Variants in ANP32A observed in about 807,000 individuals in gnomAD.
The protein encoded by ANP32A is acidic leucine-rich nuclear phosphoprotein 32 family member A.
A neutral mutation model predicts 33.9 loss-of-function variants in ANP32A; 1 was observed. The observed-to-expected ratio is 0.03, with a 90% CI of 0.01 to 0.14. ANP32A has a LOEUF of 0.14. Ranked by LOEUF, ANP32A falls within the 10% of genes least tolerant of loss-of-function variation. The probability of loss-of-function intolerance (pLI) is 1.00; values close to 1 mark genes in which losing one functional copy is unlikely to be tolerated. For missense variants in ANP32A, 155 were observed against 306.0 expected (o/e 0.51, Z 3.68); for synonymous variants, 115 against 120.5 (o/e 0.95, Z 0.30).
intron 1 of ANP32A, among the ~76,000 whole-genome samples, chr15:68,793,640 C>T (rs1159588825): frequency 6.6e-6 from 1 of 152,190 alleles, no homozygotes; most frequent in Non-Finnish European, 1.5e-5. Flanking sequence ...TCTTCAAATG[C>T]CTCTACCAGA....
At chr15:68,795,511 T>G (rs1256721687) in intron 1 of ANP32A, among the ~76,000 whole-genome samples, 1 of 152,196 alleles carries the variant, frequency 6.6e-6, no homozygotes, top group African/African-American at 2.4e-5. Flanking sequence ...GGGCCCGCAT[T>G]AACATAAACC....
intron 1 of ANP32A, among the ~76,000 whole-genome samples, chr15:68,805,543 G>A (rs1026585280): frequency 1.3e-5 from 2 of 152,232 alleles, no homozygotes; most frequent in African/African-American, 4.8e-5. Context: ...AGGCTGGTGT[G>A]AGCAGAGCAG....
intron 1 of ANP32A, among the ~76,000 whole-genome samples, chr15:68,805,703 C>T (rs1056259749): frequency 6.6e-5 from 10 of 152,178 alleles, no homozygotes; most frequent in Admixed American, 4.6e-4. Context: ...ATCCTAAGTT[C>T]CAGCTCATGG....
At position 68,792,896 on chromosome 15, in the gene ANP32A, T is replaced by C. The variant is rs550651143; in HGVS notation, c.55-4977A>G. 3.9e-5 allele frequency among the ~76,000 whole-genome samples: 6 copies of C among 152,302 alleles called. No homozygotes were observed. In the South Asian group the frequency reaches 1.2e-3, roughly 32 times the overall value. ...AGAGTAAACTCCAGCCTGGAAAACATTCCTGGCTTCTCACTGCCTTGGGAA... is the reference window on the plus strand; with the variant it reads ...AGAGTAAACTCCAGCCTGGAAAACACTCCTGGCTTCTCACTGCCTTGGGAA... On this transcript the variant is annotated intron_variant, in intron 1 of 6. Coordinates refer to ENST00000465139, the MANE Select transcript of ANP32A (RefSeq NM_006305.4).
intron 1 of ANP32A, among the ~76,000 whole-genome samples, chr15:68,820,497 G>GGCA (rs1894457950): frequency 6.6e-6 from 1 of 152,080 alleles, no homozygotes; most frequent in South Asian, 2.1e-4. Context: ...ACACACCAAG[G>GGCA]GCAGCGGCGG....
rs1596071718 is a variant in ANP32A at position 68,803,817 on chromosome 15, T to C, written c.55-15898A>G. ...CACAAACTTTTTTTTTTTTTTTTTT[T>C]TTTGAGACGGAGTCTTGCTCTGTTG... On this transcript the variant is annotated intron_variant, in intron 1 of 6. Coordinates refer to ENST00000465139, the MANE Select transcript of ANP32A (RefSeq NM_006305.4). 8.7e-5 allele frequency among the ~76,000 whole-genome samples: 13 copies of C among 149,398 alleles called. No individual in the cohort carries two copies. In the South Asian group the frequency reaches 2.8e-3, roughly 32 times the overall value.
In ANP32A at chr15:68,799,017, C is replaced by T. The variant is rs529519717; in HGVS notation, c.55-11098G>A. ...GTTTTTTCTATCCAAGGCCACAAAA[C>T]AAATTAGCCAGGGGCTACACATAAG... On this transcript the variant is annotated intron_variant, in intron 1 of 6. Coordinates refer to ENST00000465139, the MANE Select transcript of ANP32A (RefSeq NM_006305.4). Among the ~76,000 whole-genome samples, 170 of 152,332 alleles carry T rather than the reference C, an allele frequency of 1.1e-3. 2 individuals carry two copies. The highest frequency in any genetic ancestry group is 3.9e-3 in the African/African-American group (161 of 41,590).
intron 1 of ANP32A, chr15:68,789,232 G>A (rs1893970687): frequency 6.5e-6 from 1 of 152,880 alleles, no homozygotes; most frequent in Non-Finnish European, 1.5e-5. Flanking sequence ...CAGGTGCCAG[G>A]AAACACTTAC....
intron 1 of ANP32A, chr15:68,792,358 T>C (rs914720657): frequency 2.0e-5 from 3 of 152,148 alleles, no homozygotes; most frequent in Admixed American, 6.6e-5. Flanking sequence ...GACCCAATGC[T>C]TCATTCCTCA....
chr15:68,808,546 C>T (rs1423551618), intron 1 of ANP32A, among the ~76,000 whole-genome samples: 1 of 152,194 alleles, frequency 6.6e-6, no homozygotes, highest in Non-Finnish European at 1.5e-5. Context: ...GTCTCATTCC[C>T]GATGCTGGGC....
At chr15:68,781,322 A>G (rs978563297) in intron 5 of ANP32A, 20 of 152,028 alleles carry the variant, frequency 1.3e-4, no homozygotes, top group Middle Eastern at 3.4e-3. Context: ...AAATATGCAG[A>G]TGGTCAGTGA....
chr15:68,787,121 C>T, intron 3 of ANP32A: 1 of 364,234 alleles, frequency 2.7e-6, no homozygotes. Context: ...GTTTCCAAAG[C>T]TGAGCAGAAA....
chr15:68,817,434 C>T (rs1476587721), intron 1 of ANP32A: 1 of 152,312 alleles, frequency 6.6e-6, no homozygotes, highest in Non-Finnish European at 1.5e-5. Flanking sequence ...GGATCGACAA[C>T]TCTTCCCTCC....
intron 1 of ANP32A, among the ~76,000 whole-genome samples, chr15:68,818,592 A>G (rs1164455027): frequency 6.6e-6 from 1 of 151,786 alleles, no homozygotes; most frequent in Non-Finnish European, 1.5e-5. Flanking sequence ...AATCGCTCCC[A>G]GTACGGCGCG....
chr15:68,799,800 A>G (rs1315630517), intron 1 of ANP32A, among the ~76,000 whole-genome samples: 1 of 152,230 alleles, frequency 6.6e-6, no homozygotes, highest in African/African-American at 2.4e-5. Context: ...CTGGGATACT[A>G]GAAGAACAAT....
At chr15:68,785,330 T>G (rs964680822) in intron 3 of ANP32A, among the ~76,000 whole-genome samples, 2 of 152,140 alleles carry the variant, frequency 1.3e-5, no homozygotes, top group Non-Finnish European at 2.9e-5. Flanking sequence ...CCCTGTTTGA[T>G]GGTAGAGGAA....
chr15:68,818,927 G>A (rs1170926178), intron 1 of ANP32A, among the ~76,000 whole-genome samples: 2 of 151,880 alleles, frequency 1.3e-5, no homozygotes, highest in African/African-American at 2.4e-5. Context: ...ATAGTGCGCG[G>A]AAACTCCGGC....
At chr15:68,805,163 C>A (rs1270869571) in intron 1 of ANP32A, among the ~76,000 whole-genome samples, 2 of 152,198 alleles carry the variant, frequency 1.3e-5, no homozygotes, top group African/African-American at 4.8e-5. Context: ...AGCATCTAAC[C>A]CCCTAAACCA....
At chr15:68,817,542 C>T (rs1052505888) in intron 1 of ANP32A, 2 of 152,532 alleles carry the variant, frequency 1.3e-5, no homozygotes, top group African/African-American at 4.8e-5. Flanking sequence ...GTTTAATGTT[C>T]CCCTTACTCT....
Sources: allele counts gnomAD v4.1 joint callset (sites outside exome capture counted in the v4.1 genomes callset), GRCh38; gene constraint gnomAD v4.1.1; transcripts MANE v1.5; gene names NCBI Gene and HGNC (gene_info 2026-07-23, HGNC 2026-07-21).